Variants in SLC20A2 observed in about 807,000 individuals in gnomAD.
SLC20A2 encodes sodium-dependent phosphate transporter 2.
A neutral mutation model predicts 61.0 loss-of-function variants in SLC20A2; 30 were observed. The ratio of observed to expected loss-of-function variants is 0.49; its 90% CI spans 0.37 to 0.67. The LOEUF is 0.67. Among genes scored for constraint, SLC20A2 ranks in the 30% least tolerant of loss-of-function variants. SLC20A2 has a pLI of 0.00. For missense variants in SLC20A2, 626 were observed against 866.4 expected, an observed-to-expected ratio of 0.72 and a Z score of 3.48; for synonymous variants, 351 against 353.3, an observed-to-expected ratio of 0.99 and a Z score of 0.07.
At chr8:42,434,911 T>TGTGTGTGC (rs1804135424) in intron 8 of SLC20A2, among the ~76,000 whole-genome samples, 1 of 143,264 alleles carries the variant, frequency 7.0e-6, no homozygotes, top group African/African-American at 3.0e-5. Flanking sequence ...AGTGCGCATG[T>TGTGTGTGC]GAGTGTGTGT....
chr8:42,478,212 C>CT (rs35343530), intron 1 of SLC20A2, among the ~76,000 whole-genome samples: 4,287 of 127,506 alleles, frequency 0.034, 149 homozygotes, highest in South Asian at 0.096. Flanking sequence ...TTTTCCTTTT[C>CT]TTTTTTTTTT....
chr8:42,465,354 G>T (rs2131189222), intron 3 of SLC20A2, among the ~76,000 whole-genome samples: 1 of 151,900 alleles, frequency 6.6e-6, no homozygotes, highest in Non-Finnish European at 1.5e-5. Context: ...ACCATGTCTG[G>T]CCCATCTAGG....
chr8:42,464,279 CTTTCT>C (rs1237938096), intron 3 of SLC20A2, among the ~76,000 whole-genome samples: 1 of 136,816 alleles, frequency 7.3e-6, no homozygotes, highest in African/African-American at 3.0e-5. Context: ...GGCTAATTTT[CTTTCT>C]TTTTTTTTTT....
chr8:42,428,934 T>G, intron 9 of SLC20A2, 92 bp from the exon 10 acceptor site: 49 of 1,006,992 alleles, frequency 4.9e-5, no homozygotes, highest in Non-Finnish European at 6.3e-5. Context: ...GAACATTCTC[T>G]GGGGTGACTG....
At chr8:42,458,703 CTG>C (rs1302351621) in intron 5 of SLC20A2, among the ~76,000 whole-genome samples, 1 of 150,482 alleles carries the variant, frequency 6.6e-6, no homozygotes, top group East Asian at 2.0e-4. Context: ...GGTCAGGAGA[CTG>C]AGACCATCCT....
intron 1 of SLC20A2, among the ~76,000 whole-genome samples, chr8:42,517,380 A>AAC (rs1491043192): frequency 6.6e-6 from 1 of 151,414 alleles, no homozygotes; most frequent in African/African-American, 2.4e-5. Context: ...AAAAAAAAAA[A>AAC]ACAATAATAA....
At chr8:42,501,607 A>C (rs1810326047), upstream of SLC20A2, 1 of 152,236 alleles carries the variant, frequency 6.6e-6, no homozygotes, top group Non-Finnish European at 1.5e-5. Flanking sequence ...CACAGAATAT[A>C]CATATCAGTA....
intron 1 of SLC20A2, among the ~76,000 whole-genome samples, chr8:42,491,821 A>C (rs1433022101): frequency 1.3e-5 from 2 of 152,212 alleles, no homozygotes; most frequent in Admixed American, 1.3e-4. Context: ...CAACTTGCCA[A>C]GTAACCAAAT....
chr8:42,527,830 GAAT>G (rs1427897513), intron 1 of SLC20A2, among the ~76,000 whole-genome samples: 1 of 151,920 alleles, frequency 6.6e-6, no homozygotes, highest in Non-Finnish European at 1.5e-5. Flanking sequence ...TAATGACATA[GAAT>G]AATGGCCAAA....
At chr8:42,419,716 G>A (rs2130914044) in intron 10 of SLC20A2, 1 of 966,954 alleles carries the variant, frequency 1.0e-6, no homozygotes, top group African/African-American at 1.8e-5. Flanking sequence ...TGTTAATGTA[G>A]TGTCATCCAT....
rs548733950 is a variant in SLC20A2 at position 42,525,977 on chromosome 8, A to T, written c.-265+15844T>A. On this transcript the variant is annotated intron_variant, in intron 1 of 10. Coordinates refer to the SLC20A2 transcript ENST00000342228. Reference sequence around the variant, plus strand: ...ATAAAGAAATGGAGGAGATAGATACAGCTCCTGTACAGAACTCCAAATCAT... The same window carrying T: ...ATAAAGAAATGGAGGAGATAGATACTGCTCCTGTACAGAACTCCAAATCAT... Among the ~76,000 whole-genome samples, 4 of 152,344 alleles carry T rather than the reference A, an allele frequency of 2.6e-5. No homozygotes were observed. The South Asian group carries it at 8.3e-4, about 32-fold the overall frequency.
intron 1 of SLC20A2, among the ~76,000 whole-genome samples, chr8:42,509,239 T>A (rs1287492321): frequency 6.6e-6 from 1 of 152,138 alleles, no homozygotes; most frequent in Non-Finnish European, 1.5e-5. Flanking sequence ...ATGTAGAAAA[T>A]GCTAAACACA....
chr8:42,519,994 C>T (rs73632752), intron 1 of SLC20A2, among the ~76,000 whole-genome samples: 5,345 of 147,102 alleles, frequency 0.036, 308 homozygotes, highest in African/African-American at 0.13. Context: ...AATTTCCCAA[C>T]TCTTTATGCT....
rs1806794622 is a variant in SLC20A2 at position 42,462,548 on chromosome 8, T to A, written c.516+457A>T. On this transcript the variant is annotated intron_variant, in intron 4 of 10. Coordinates refer to ENST00000520262, the MANE Select transcript of SLC20A2 (RefSeq NM_001257180.2). The stretch of plus-strand genomic sequence containing the variant: ...CAATAGGTGTATTTCCTTCTTTTTA[T>A]CCTTTCCTCAAATTGCGTCAGTGTT... 1.3e-5 allele frequency among the ~76,000 whole-genome samples: 2 copies of A among 151,622 alleles called. 1 individual carries two copies. The highest frequency in any genetic ancestry group is 4.2e-4 in the South Asian group (2 of 4,808).
chr8:42,449,295 T>G (rs7832529), intron 5 of SLC20A2, among the ~76,000 whole-genome samples: 2 of 152,022 alleles, frequency 1.3e-5, no homozygotes, highest in Admixed American at 1.3e-4. Flanking sequence ...GTTCTCGGTT[T>G]TAGCCACTAA....
intron 1 of SLC20A2, among the ~76,000 whole-genome samples, chr8:42,506,356 G>A (rs755206674): frequency 6.6e-6 from 1 of 152,232 alleles, no homozygotes; most frequent in Non-Finnish European, 1.5e-5. Flanking sequence ...CTGTGACTTG[G>A]CTTCCTCGCC....
At chr8:42,527,502 A>G (rs368026830) in intron 1 of SLC20A2, among the ~76,000 whole-genome samples, 74 of 152,048 alleles carry the variant, frequency 4.9e-4, no homozygotes, top group African/African-American at 1.8e-3. Flanking sequence ...AAAAGGCCGG[A>G]TGCAGTGGCT....
At position 42,439,556 on chromosome 8, in the gene SLC20A2, A is replaced by T. The variant is rs573397267; in HGVS notation, c.828T>A (p.Gly276=). The change falls in exon 7 of 11, where the codon GGT becomes GGA. Residue 276 remains glycine (G), a synonymous_variant. Coordinates refer to ENST00000520262, the MANE Select transcript of SLC20A2 (RefSeq NM_001257180.2). Reference sequence around the variant, plus strand: ...TGGTGCTGTCATCATTAGCCTTGGCACCTGGTAGCTCTTTAAATACTGGGG... The same window carrying T: ...TGGTGCTGTCATCATTAGCCTTGGCTCCTGGTAGCTCTTTAAATACTGGGG... ...AESPVFKELP[G]AKANDDSTIP... 1.9e-6 allele frequency: 3 copies of T among 1,614,218 alleles called. No homozygotes were observed. The East Asian group carries it at 6.7e-5, about 36-fold the overall frequency.
At chr8:42,487,693 TC>T (rs1430525054) in intron 1 of SLC20A2, among the ~76,000 whole-genome samples, 1 of 151,270 alleles carries the variant, frequency 6.6e-6, no homozygotes, top group African/African-American at 2.4e-5. Flanking sequence ...ATTATACTTT[TC>T]AACTGCAGAG....
Sources: gnomAD v4.1 joint callset for allele counts (sites outside exome capture counted in the v4.1 genomes callset) on GRCh38, gnomAD v4.1.1 for gene constraint, MANE v1.5 for transcripts, NCBI Gene and HGNC (gene_info 2026-07-23, HGNC 2026-07-21) for gene names.